The following PPM1H variants were observed in gnomAD, a reference collection of about 807,000 sequenced individuals.
PPM1H encodes protein phosphatase, Mg2+/Mn2+ dependent 1H, also known as protein phosphatase 1H.
PPM1H carries 27 observed loss-of-function variants against 54.9 expected under a neutral mutation model. That is an observed-to-expected ratio of 0.49 (90% confidence interval 0.36 to 0.68). The LOEUF (loss-of-function observed/expected upper bound fraction) is 0.68. Ranked by LOEUF, PPM1H falls within the 30% of genes least tolerant of loss-of-function variation. The probability of loss-of-function intolerance (pLI) is 0.00; values close to 1 mark genes in which losing one functional copy is unlikely to be tolerated. For missense variants in PPM1H, 596 were observed against 667.8 expected (o/e 0.89, Z 1.19); for synonymous variants, 305 against 270.8 (o/e 1.13, Z -1.24).
At chr12:62,770,494 G>C (rs2076572289) in intron 4 of PPM1H, among the ~76,000 whole-genome samples, 1 of 152,110 alleles carries the variant, frequency 6.6e-6, no homozygotes, top group African/African-American at 2.4e-5. Context: ...TACATACTGG[G>C]CCTCTGTTGT....
At chr12:62,669,043 A>G (rs1385564765) in intron 8 of PPM1H, among the ~76,000 whole-genome samples, 2 of 152,348 alleles carry the variant, frequency 1.3e-5, no homozygotes, top group South Asian at 2.1e-4. Context: ...GGCCCAGCAC[A>G]TGAGCTGCGC....
intron 9 of PPM1H, among the ~76,000 whole-genome samples, chr12:62,649,123 A>T (rs992877800): frequency 1.9e-4 from 29 of 152,326 alleles, no homozygotes; most frequent in South Asian, 8.3e-4. Flanking sequence ...TAAATTTTTT[A>T]AAAAAGTGAG....
At chr12:62,842,459 C>T (rs1868787965) in intron 1 of PPM1H, among the ~76,000 whole-genome samples, 1 of 151,940 alleles carries the variant, frequency 6.6e-6, no homozygotes, top group Non-Finnish European at 1.5e-5. Flanking sequence ...AAATATGAAA[C>T]CAAAAGACAG....
intron 3 of PPM1H, among the ~76,000 whole-genome samples, chr12:62,791,158 C>G (rs1240267530): frequency 6.6e-6 from 1 of 152,186 alleles, no homozygotes; most frequent in African/African-American, 2.4e-5. Context: ...AAATGAAAAG[C>G]TTACAATGCC....
chr12:62,818,804 TG>T (rs755211910), intron 2 of PPM1H, among the ~76,000 whole-genome samples: 124 of 151,526 alleles, frequency 8.2e-4, no homozygotes, highest in Admixed American at 1.4e-3. Flanking sequence ...TATCTCAAAA[TG>T]TTGCTTTTTC....
intron 8 of PPM1H, among the ~76,000 whole-genome samples, 177 bp from the exon 9 acceptor site, chr12:62,667,506 A>G (rs2075926597): frequency 6.6e-6 from 1 of 152,154 alleles, no homozygotes. Context: ...TCCCTTGGAG[A>G]CTTGCTATAT....
chr12:62,832,427 A>G (rs1030775885), intron 1 of PPM1H, 148 bp from the exon 2 acceptor site: 1 of 735,778 alleles, frequency 1.4e-6, no homozygotes, highest in African/African-American at 1.8e-5. Flanking sequence ...TTGGTATTTT[A>G]TGTTCCCAAA....
chr12:62,831,132 C>T (rs12369052), intron 2 of PPM1H, among the ~76,000 whole-genome samples: 10,612 of 152,240 alleles, frequency 0.07, 496 homozygotes, highest in Middle Eastern at 0.15. Context: ...GGATTACAGG[C>T]GTGAGCCACC....
chr12:62,659,269 C>CAAAAAAAACAAAAAAAA (rs2075867085), intron 9 of PPM1H: 1 of 90,798 alleles, frequency 1.1e-5, no homozygotes. Context: ...GTAAAAACTG[C>CAAAAAAAACAAAAAAAA]AAAAAAAAAA....
At position 62,654,217 on chromosome 12, in the gene PPM1H, CAA is replaced by C. The variant is rs57812590; in HGVS notation, c.1398-5583_1398-5582del. Among the ~76,000 whole-genome samples the C allele has an allele frequency of 4.0e-3, 261 of 65,432 alleles. 2 individuals are homozygous for C. The highest frequency in any genetic ancestry group is 0.016 in the Middle Eastern group (1 of 62). 42.9% of individuals were successfully genotyped at this position (65,432 alleles called of 152,430 possible). A position where few individuals can be genotyped will look rare whatever the true frequency, so the allele number is the denominator to read the frequency against. ...TGGGTGACAGAGAGAGACTCTTTCT[CAA>C]AAAAAAAAAAAAAAAAAAAAAAGCA... is the stretch of plus-strand genomic sequence containing the variant. On this transcript the variant is annotated intron_variant, in intron 9 of 9. Coordinates refer to ENST00000228705, the MANE Select transcript of PPM1H (RefSeq NM_020700.2).
intron 1 of PPM1H, among the ~76,000 whole-genome samples, chr12:62,837,511 A>G (rs541153533): frequency 4.6e-5 from 7 of 152,342 alleles, no homozygotes; most frequent in African/African-American, 1.7e-4. Flanking sequence ...CCTCCCCACC[A>G]TGAGGCATTC....
chr12:62,662,241 G>A (rs1320753870), intron 9 of PPM1H, among the ~76,000 whole-genome samples: 1 of 152,178 alleles, frequency 6.6e-6, no homozygotes, highest in Non-Finnish European at 1.5e-5. Flanking sequence ...TGCATAACTG[G>A]CAGGTGGCTT....
chr12:62,756,275 A>G (rs1202962790), intron 4 of PPM1H: 2 of 660,436 alleles, frequency 3.0e-6, no homozygotes, highest in Non-Finnish European at 5.6e-6. Flanking sequence ...AGAGAGGAAG[A>G]GAGAGGCCCT....
rs1466435418 is a variant in PPM1H, at chr12:62,670,136, C to T, written c.1246-2807G>A. Among the ~76,000 whole-genome samples the T allele has an allele frequency of 4.6e-5, 7 of 151,798 alleles. No individual in the cohort carries two copies. In the East Asian group the frequency reaches 1.4e-3, roughly 30 times the overall value. On this transcript the variant is annotated intron_variant, in intron 8 of 9. Coordinates refer to ENST00000228705, the MANE Select transcript of PPM1H (RefSeq NM_020700.2). ...GGGATTACAGGCATGTGCCACCACG[C>T]CCGGCTAATTTTGTATTTTTAGTAG...
At chr12:62,888,057 A>C (rs1356601443) in intron 1 of PPM1H, among the ~76,000 whole-genome samples, 1 of 152,196 alleles carries the variant, frequency 6.6e-6, no homozygotes, top group Non-Finnish European at 1.5e-5. Flanking sequence ...GAATGGATGC[A>C]GGAAAAGCAG....
chr12:62,910,105 T>C (rs908711942), intron 1 of PPM1H, among the ~76,000 whole-genome samples: 1 of 151,978 alleles, frequency 6.6e-6, no homozygotes, highest in Non-Finnish European at 1.5e-5. Flanking sequence ...TCTCCACAGA[T>C]GAACCAGTAT....
Position 62,731,056 on chromosome 12 carries a change from C to T in PPM1H, c.954+6446G>A, listed in dbSNP as rs115426656. ...CCGAGCTTGTATATATAAGCTATTA[C>T]AGAACTGAATACGAATAAAATTCTG... On this transcript the variant is annotated intron_variant, in intron 5 of 9. Transcript: ENST00000228705. 7.1e-3 allele frequency among the ~76,000 whole-genome samples: 1,079 copies of T among 152,284 alleles called. 8 individuals carry two copies. The highest frequency in any genetic ancestry group is 0.025 in the African/African-American group (1,032 of 41,542).
chr12:62,755,107 CT>C, intron 4 of PPM1H: 1 of 382,482 alleles, frequency 2.6e-6, no homozygotes. Context: ...AATATCATGT[CT>C]TTCTTTTCTT....
At chr12:62,679,133 C>T (rs1048260835) in intron 8 of PPM1H, among the ~76,000 whole-genome samples, 3 of 151,862 alleles carry the variant, frequency 2.0e-5, no homozygotes, top group Non-Finnish European at 4.4e-5. Flanking sequence ...ACTACAGGCA[C>T]ATGCCACCGT....
Sources: gnomAD v4.1 joint callset for allele counts (sites outside exome capture counted in the v4.1 genomes callset) on GRCh38, gnomAD v4.1.1 for gene constraint, MANE v1.5 for transcripts, NCBI Gene and HGNC (gene_info 2026-07-23, HGNC 2026-07-21) for gene names.